Variants in LINGO1 observed in about 807,000 individuals in gnomAD.
LINGO1 encodes leucine rich repeat and Ig domain containing 1, also known as leucine-rich repeat and immunoglobulin-like domain-containing nogo receptor-interacting protein 1.
Under a neutral mutation model 37.3 loss-of-function variants are expected in LINGO1, and 11 were observed. The ratio of observed to expected loss-of-function variants is 0.29; its 90% CI spans 0.19 to 0.49. The LOEUF is 0.49. Among genes scored for constraint, LINGO1 ranks in the 20% least tolerant of loss-of-function variants. The probability of loss-of-function intolerance (pLI) is 0.99; values close to 1 mark genes in which losing one functional copy is unlikely to be tolerated. For synonymous variants in LINGO1, 387 were observed against 403.0 expected (o/e 0.96, Z 0.48); for missense variants, 585 against 878.2 (o/e 0.67, Z 4.22).
intron 2 of LINGO1, among the ~76,000 whole-genome samples, chr15:77,683,905 G>A (rs534857206): frequency 6.6e-6 from 1 of 151,706 alleles, no homozygotes; most frequent in South Asian, 2.1e-4. Flanking sequence ...AAATTCCCTG[G>A]CGTGGCACCC....
At chr15:77,777,550 C>T (rs2076674128) in intron 1 of LINGO1, among the ~76,000 whole-genome samples, 1 of 152,172 alleles carries the variant, frequency 6.6e-6, no homozygotes, top group African/African-American at 2.4e-5. Context: ...CCCTCCAGGC[C>T]TGTCACTGTA....
At chr15:77,724,924 G>A (rs2076087384) in intron 2 of LINGO1, among the ~76,000 whole-genome samples, 1 of 152,218 alleles carries the variant, frequency 6.6e-6, no homozygotes, top group South Asian at 2.1e-4. Context: ...CTGCTTCCCA[G>A]ACGGTGTGTG....
At chr15:77,778,107 A>G (rs1288823283) in intron 1 of LINGO1, among the ~76,000 whole-genome samples, 1 of 152,218 alleles carries the variant, frequency 6.6e-6, no homozygotes, top group African/African-American at 2.4e-5. Flanking sequence ...CTCCTGCCAT[A>G]GACTCCAGGG....
chr15:77,807,363 A>G (rs1337718749), intron 1 of LINGO1, among the ~76,000 whole-genome samples: 3 of 152,224 alleles, frequency 2.0e-5, no homozygotes, highest in Non-Finnish European at 4.4e-5. Context: ...CCTGGCTGCC[A>G]GTGGAGCTGT....
At chr15:77,747,476 CT>C (rs1205862726) in intron 1 of LINGO1, among the ~76,000 whole-genome samples, 10 of 152,232 alleles carry the variant, frequency 6.6e-5, no homozygotes, top group African/African-American at 2.4e-4. Flanking sequence ...ATTACTTTTT[CT>C]GTAACCTCTC....
intron 3 of LINGO1, among the ~76,000 whole-genome samples, chr15:77,659,365 G>C (rs887507419): frequency 3.3e-5 from 5 of 149,950 alleles, no homozygotes; most frequent in African/African-American, 9.7e-5. Flanking sequence ...TGCTGAGAGA[G>C]ACAGGTGCAA....
intron 3 of LINGO1, among the ~76,000 whole-genome samples, chr15:77,660,534 T>G (rs1243313705): frequency 1.3e-5 from 2 of 152,206 alleles, no homozygotes; most frequent in Non-Finnish European, 2.9e-5. Flanking sequence ...CTGGGCTCTA[T>G]TCTCTGTACC....
intron 2 of LINGO1, among the ~76,000 whole-genome samples, chr15:77,711,382 T>C (rs867664583): frequency 2.0e-5 from 3 of 152,328 alleles, no homozygotes; most frequent in Admixed American, 1.3e-4. Flanking sequence ...ATAACGAAGA[T>C]TCCATCCTCC....
chr15:77,733,192 G>A (rs2076170372), intron 2 of LINGO1, among the ~76,000 whole-genome samples: 1 of 152,224 alleles, frequency 6.6e-6, no homozygotes, highest in African/African-American at 2.4e-5. Context: ...GCCACCCACA[G>A]GATGGCAGCT....
At chr15:77,682,598 C>G (rs188961970) in intron 2 of LINGO1, among the ~76,000 whole-genome samples, 49 of 152,154 alleles carry the variant, frequency 3.2e-4, no homozygotes, top group Admixed American at 3.2e-3. Flanking sequence ...CCTCTCTTTC[C>G]CTCTTTCACC....
intron 1 of LINGO1, among the ~76,000 whole-genome samples, chr15:77,776,558 G>GGAAAGC (rs1596218444): frequency 1.6e-4 from 10 of 61,278 alleles, no homozygotes; most frequent in East Asian, 5.1e-4. Context: ...GGGAGGGAGG[G>GGAAAGC]AGCTGACTCT....
At chr15:77,792,568 G>T (rs1366344702) in intron 2 of LINGO1, among the ~76,000 whole-genome samples, 1 of 152,334 alleles carries the variant, frequency 6.6e-6, no homozygotes, top group East Asian at 1.9e-4. Context: ...CCCCTCATCC[G>T]AGAGGACTTT....
intron 1 of LINGO1, among the ~76,000 whole-genome samples, chr15:77,748,146 G>A (rs924262732): frequency 3.9e-5 from 6 of 152,234 alleles, no homozygotes; most frequent in Admixed American, 3.9e-4. Context: ...CAACAGCCCT[G>A]CTGGGCCCCA....
chr15:77,717,841 A>G (rs996176615), intron 2 of LINGO1, among the ~76,000 whole-genome samples: 1 of 150,870 alleles, frequency 6.6e-6, no homozygotes, highest in Non-Finnish European at 1.5e-5. Flanking sequence ...GGAAAGGCCC[A>G]GCCCAGCCAG....
chr15:77,704,088 T>C (rs1223111374), intron 2 of LINGO1, among the ~76,000 whole-genome samples: 1 of 152,170 alleles, frequency 6.6e-6, no homozygotes, highest in Non-Finnish European at 1.5e-5. Flanking sequence ...CTCATCATCC[T>C]GTAAGATGAG....
At chr15:77,797,893 G>A (rs931618437) in intron 1 of LINGO1, among the ~76,000 whole-genome samples, 2 of 152,224 alleles carry the variant, frequency 1.3e-5, no homozygotes, top group East Asian at 1.9e-4. Flanking sequence ...TTCTAGCCGC[G>A]TGGTAGGTGA....
At chr15:77,624,077 CTG>C (rs1200399080) in intron 1 of LINGO1, among the ~76,000 whole-genome samples, 2 of 135,052 alleles carry the variant, frequency 1.5e-5, no homozygotes, top group South Asian at 2.4e-4. Context: ...AGTGTGGCCT[CTG>C]TGTGTGTCTG....
At chr15:77,697,602 G>C (rs907276064), upstream of LINGO1, among the ~76,000 whole-genome samples, 3 of 151,810 alleles carry the variant, frequency 2.0e-5, no homozygotes, top group Non-Finnish European at 4.4e-5. Flanking sequence ...CATTCATTCA[G>C]CAAATGCCCT....
rs73465855 is a variant in LINGO1, at chr15:77,740,211, A to T, written c.-256-5158T>A. Among the ~76,000 whole-genome samples the T allele has an allele frequency of 8.8e-3, 1,337 of 152,336 alleles. 25 individuals are homozygous for T. The highest frequency in any genetic ancestry group is 0.031 in the African/African-American group (1,285 of 41,572). ...GAAGTGTCCTTGGAGCAGAGGTCTGAAAAACAAGTATGAGACCGCCAGACA... is the reference window on the plus strand; with the variant it reads ...GAAGTGTCCTTGGAGCAGAGGTCTGTAAAACAAGTATGAGACCGCCAGACA... On this transcript the variant is annotated intron_variant, in intron 1 of 3. Transcript: ENST00000561686.
Sources: allele counts gnomAD v4.1 joint callset (sites outside exome capture counted in the v4.1 genomes callset), GRCh38; gene constraint gnomAD v4.1.1; transcripts MANE v1.5; gene names NCBI Gene and HGNC (gene_info 2026-07-23, HGNC 2026-07-21).